SLC24A1: variants seen among roughly 807,000 people sequenced by gnomAD.
The protein encoded by SLC24A1 is sodium/potassium/calcium exchanger 1.
In SLC24A1, 52 loss-of-function variants were observed where a neutral mutation model predicts 88.1. That is an observed-to-expected ratio of 0.59 (90% CI 0.47 to 0.74). SLC24A1 has a LOEUF of 0.74. Among genes scored for constraint, SLC24A1 ranks in the 30% least tolerant of loss-of-function variants. The probability of loss-of-function intolerance (pLI) is 0.00; values close to 1 mark genes in which losing one functional copy is unlikely to be tolerated. For synonymous variants in SLC24A1, 455 were observed against 498.0 expected (o/e 0.91, Z 1.15); for missense variants, 1,173 against 1,363.3 (o/e 0.86, Z 2.20).
Position 65,621,954 on chromosome 15 carries a change from T to G in SLC24A1, c.-265T>G, listed in dbSNP as rs1257939148. The G allele has an allele frequency of 6.6e-6, 1 of 152,274 alleles. No individual in the cohort carries two copies. The highest frequency in any genetic ancestry group is 1.5e-5 in the Non-Finnish European group (1 of 68,090). The allele number at this position is 152,274 out of a possible 1,614,324, so 9.4% of individuals were successfully genotyped here. A position where few individuals can be genotyped will look rare whatever the true frequency, so the allele number is the denominator to read the frequency against. On this transcript the variant is annotated 5_prime_UTR_variant, in exon 1 of 10. Coordinates refer to ENST00000261892, the MANE Select transcript of SLC24A1 (RefSeq NM_004727.3). ...CTGCCCTTCACACCCGACCCTGCCT[T>G]GAATTAGGATTCCATAGGAGAGCTG...
chr15:65,620,856 T>C (rs534378482), upstream of SLC24A1, among the ~76,000 whole-genome samples: 47 of 152,328 alleles, frequency 3.1e-4, no homozygotes, highest in Admixed American at 2.6e-3. Context: ...CTGTGTTACA[T>C]AGTGGCATGA....
intron 2 of SLC24A1, among the ~76,000 whole-genome samples, chr15:65,630,597 A>G (rs1870637531): frequency 6.6e-6 from 1 of 152,252 alleles, no homozygotes; most frequent in Admixed American, 6.5e-5. Context: ...TCTTTGAATA[A>G]TAATCAGTTT....
At position 65,648,719 on chromosome 15, in the gene SLC24A1, C is replaced by A. The variant is rs150673341; in HGVS notation, c.2233-1663C>A. ...GTTTCACCACTTTAGTCAGGCTGGT[C>A]TCAAACTCCTGACCTCATGATCCGC... On this transcript the variant is annotated intron_variant, in intron 6 of 9. Coordinates refer to ENST00000261892, the MANE Select transcript of SLC24A1 (RefSeq NM_004727.3). Among the ~76,000 whole-genome samples the A allele has an allele frequency of 6.3e-3, 965 of 151,996 alleles. 8 individuals are homozygous for A. The highest frequency in any genetic ancestry group is 0.022 in the African/African-American group (926 of 41,430).
At chr15:65,651,933 C>G in intron 8 of SLC24A1, 174 bp downstream of exon 8, 1 of 636,072 alleles carries the variant, frequency 1.6e-6, no homozygotes, top group Non-Finnish European at 2.9e-6. Context: ...CAGTGCTTCT[C>G]AAGTGTGGCT....
At chr15:65,632,081 C>T (rs892502567) in intron 2 of SLC24A1, among the ~76,000 whole-genome samples, 6 of 152,236 alleles carry the variant, frequency 3.9e-5, no homozygotes, top group South Asian at 2.1e-4. Context: ...CTGCCTGCCT[C>T]GGCCTCCCAA....
intron 2 of SLC24A1, among the ~76,000 whole-genome samples, chr15:65,616,463 A>G (rs1023360397): frequency 2.6e-5 from 4 of 152,172 alleles, no homozygotes; most frequent in Non-Finnish European, 5.9e-5. Context: ...TTTGATTTGC[A>G]TTTCTCTGAT....
chr15:65,615,256 T>G (rs1414714593), intron 2 of SLC24A1, among the ~76,000 whole-genome samples: 4 of 152,278 alleles, frequency 2.6e-5, no homozygotes, highest in East Asian at 3.9e-4. Context: ...TCTAAATTTT[T>G]AAAGGCCCCT....
intron 2 of SLC24A1, among the ~76,000 whole-genome samples, chr15:65,635,399 G>C (rs1402389061): frequency 8.0e-6 from 1 of 124,564 alleles, no homozygotes; most frequent in Non-Finnish European, 1.6e-5. Context: ...AGAATCGCTT[G>C]AACCCGGGAG....
In SLC24A1 at chr15:65,615,742, G is replaced by A. The variant is rs1205188617; in HGVS notation, c.-228+3129G>A. Among the ~76,000 whole-genome samples the A allele has an allele frequency of 3.3e-5, 5 of 151,976 alleles. No homozygotes were observed. In the East Asian group the frequency reaches 9.7e-4, roughly 29 times the overall value. On this transcript the variant is annotated intron_variant, in intron 2 of 11. Coordinates refer to the SLC24A1 transcript ENST00000537259. ...CAAAGTTAATTTTAATTTTTTTTTA[G>A]TCATACTTTAAGTTCTAGGGTACAT...
chr15:65,616,753 G>T (rs1208045012), intron 2 of SLC24A1, among the ~76,000 whole-genome samples: 1 of 152,014 alleles, frequency 6.6e-6, no homozygotes, highest in Non-Finnish European at 1.5e-5. Flanking sequence ...GTCTATTTTG[G>T]CTTTTGTTGC....
At chr15:65,659,078 A>G (rs2075766393), downstream of SLC24A1, 1 of 152,206 alleles carries the variant, frequency 6.6e-6, no homozygotes, top group South Asian at 2.1e-4. Flanking sequence ...ATGGAATACA[A>G]ATCTGTGCCA....
In SLC24A1 at chr15:65,625,905, T is replaced by TG; in HGVS notation, c.1828dup (p.Val610GlyfsTer31). ...GAAGTGGAACAAGCATATCGAGGTCTGGGTGAAGGAGCAGCTCAGCAGGAG... is the reference window on the plus strand; with the variant it reads ...GAAGTGGAACAAGCATATCGAGGTCTGGGGTGAAGGAGCAGCTCAGCAGGAG... On this transcript the variant is annotated frameshift_variant, in exon 2 of 10. Transcript: ENST00000261892. LOFTEE classifies it high-confidence loss of function. 1 of 1,613,986 alleles carries TG rather than the reference T, an allele frequency of 6.2e-7. No homozygotes were observed. The highest frequency in any genetic ancestry group is 8.5e-7 in the Non-Finnish European group (1 of 1,179,902).
At chr15:65,643,668 G>A (rs1464594695) in intron 4 of SLC24A1, among the ~76,000 whole-genome samples, 1 of 152,210 alleles carries the variant, frequency 6.6e-6, no homozygotes, top group Non-Finnish European at 1.5e-5. Flanking sequence ...GTTAAAGAGA[G>A]TTGCCTGTCC....
At chr15:65,633,779 G>A (rs2074812926) in intron 2 of SLC24A1, among the ~76,000 whole-genome samples, 2 of 152,240 alleles carry the variant, frequency 1.3e-5, no homozygotes, top group African/African-American at 4.8e-5. Flanking sequence ...TGGACTGCAA[G>A]TAAGCAGGAG....
At chr15:65,643,496 T>TAGATCCC (rs2075200417) in intron 4 of SLC24A1, among the ~76,000 whole-genome samples, 1 of 152,206 alleles carries the variant, frequency 6.6e-6, no homozygotes, top group Non-Finnish European at 1.5e-5. Flanking sequence ...ATAGAGCCCG[T>TAGATCCC]AGATCCCATG....
chr15:65,623,450 A>G (rs1367952818), intron 1 of SLC24A1, among the ~76,000 whole-genome samples: 1 of 152,210 alleles, frequency 6.6e-6, no homozygotes, highest in East Asian at 1.9e-4. Context: ...TGGATGGTGG[A>G]ATTGTTTTAA....
intron 4 of SLC24A1, among the ~76,000 whole-genome samples, chr15:65,641,773 G>T (rs1334475589): frequency 6.6e-6 from 1 of 152,196 alleles, no homozygotes; most frequent in African/African-American, 2.4e-5. Context: ...CTCTAGCAAA[G>T]TCCTGATGAT....
Position 65,645,544 on chromosome 15 carries a change from G to A in SLC24A1, c.2141-68G>A, listed in dbSNP as rs2075274553. The A allele has an allele frequency of 3.3e-6, 4 of 1,214,376 alleles. No individual in the cohort carries two copies. In the Middle Eastern group the frequency reaches 7.7e-4, roughly 234 times the overall value. The allele number at this position is 1,214,376 out of a possible 1,614,324, so 75.2% of individuals were successfully genotyped here. ...AATAGCCCTGTAGCCACTTATGCCA[G>A]TGTCTCTGCCAGCTTCCTTCAGAAC... On this transcript the variant is annotated intron_variant, in intron 5 of 9. Coordinates refer to ENST00000261892, the MANE Select transcript of SLC24A1 (RefSeq NM_004727.3).
chr15:65,619,430 C>A (rs1456062605), upstream of SLC24A1, among the ~76,000 whole-genome samples: 4 of 152,038 alleles, frequency 2.6e-5, no homozygotes, highest in African/African-American at 9.7e-5. Flanking sequence ...CCAGACATAG[C>A]CCCCAGCATG....
Sources: allele counts gnomAD v4.1 joint callset (sites outside exome capture counted in the v4.1 genomes callset), GRCh38; gene constraint gnomAD v4.1.1; transcripts MANE v1.5; gene names NCBI Gene and HGNC (gene_info 2026-07-23, HGNC 2026-07-21).